RYR2: variants seen among roughly 807,000 people sequenced by gnomAD.
The protein encoded by RYR2 is cardiac muscle ryanodine receptor-calcium release channel.
In RYR2, 227 loss-of-function variants were observed where a neutral mutation model predicts 601.1. The observed-to-expected ratio is 0.38, with a 90% CI of 0.34 to 0.42. The LOEUF (loss-of-function observed/expected upper bound fraction) is 0.42, where lower values mean the gene tolerates loss of function less well. Ranked by LOEUF, RYR2 falls within the 10% of genes least tolerant of loss-of-function variation. The pLI, the probability that RYR2 is intolerant of heterozygous loss-of-function variation, is 1.00. For missense variants in RYR2, 4,646 were observed against 6,156.5 expected (o/e 0.75, Z 8.21); for synonymous variants, 2,223 against 2,175.1 (o/e 1.02, Z -0.61).
chr1:237,146,184 G>T (rs537679565), intron 1 of RYR2, among the ~76,000 whole-genome samples: 7 of 152,254 alleles, frequency 4.6e-5, no homozygotes, highest in African/African-American at 1.7e-4. Context: ...GGGGTGGGGA[G>T]GTTTTATCAG....
rs570251437 is a variant in RYR2, at chr1:237,132,151, C to T, written c.48+89582C>T. On this transcript the variant is annotated intron_variant, in intron 1 of 104. Transcript: ENST00000366574. The stretch of plus-strand genomic sequence containing the variant: ...ATTGTAAAATATATTGTGGCCTTTG[C>T]CTTGCTCTCTGTTTGGTGACACGTT... Among the ~76,000 whole-genome samples the T allele has an allele frequency of 5.3e-5, 8 of 152,266 alleles. 2 individuals carry two copies. In the South Asian group the frequency reaches 1.7e-3, roughly 32 times the overall value.
chr1:237,813,044 C>A (rs1180438166), intron 100 of RYR2, among the ~76,000 whole-genome samples: 1 of 152,084 alleles, frequency 6.6e-6, no homozygotes, highest in Non-Finnish European at 1.5e-5. Context: ...CATTCCAGGC[C>A]TAGGGCTGAA....
chr1:237,807,621 G>A (rs1429595677), intron 99 of RYR2, among the ~76,000 whole-genome samples: 1 of 152,164 alleles, frequency 6.6e-6, no homozygotes, highest in Non-Finnish European at 1.5e-5. Flanking sequence ...CAAAGTGCTA[G>A]GATTACAGGC....
intron 1 of RYR2, among the ~76,000 whole-genome samples, chr1:237,094,638 G>A (rs139273597): frequency 2.3e-4 from 35 of 152,180 alleles, no homozygotes; most frequent in African/African-American, 8.2e-4. Flanking sequence ...ACAGTGGTGC[G>A]ATCTCGGCCC....
chr1:237,407,768 C>G (rs980591010), intron 10 of RYR2, among the ~76,000 whole-genome samples: 3 of 151,954 alleles, frequency 2.0e-5, no homozygotes, highest in African/African-American at 7.3e-5. Flanking sequence ...AGGTGCCCAC[C>G]ACCATGCCCG....
Position 237,659,949 on chromosome 1 carries a change from G to A in RYR2, c.8209-36G>A, listed in dbSNP as rs572731414. ...TATCTACAATCTCTAAAATTAACAC[G>A]TGTAAAACAATTTTTAATGTTTGCC... On this transcript the variant is annotated intron_variant, in intron 54 of 104. Coordinates refer to ENST00000366574, the MANE Select transcript of RYR2 (RefSeq NM_001035.3). The A allele has an allele frequency of 4.7e-5, 66 of 1,396,608 alleles. No homozygotes were observed. In the African/African-American group the frequency reaches 6.6e-4, roughly 14 times the overall value. 86.5% of individuals were successfully genotyped at this position (1,396,608 alleles called of 1,614,324 possible). A position where few individuals can be genotyped will look rare whatever the true frequency, so the allele number is the denominator to read the frequency against.
chr1:237,562,064 T>G (rs1671514620), intron 27 of RYR2, among the ~76,000 whole-genome samples: 1 of 152,250 alleles, frequency 6.6e-6, no homozygotes, highest in Non-Finnish European at 1.5e-5. Context: ...TCAAGCCTTA[T>G]GTAATTAATC....
rs930749716 is a variant in RYR2 at position 237,296,031 on chromosome 1, T to C, written c.168+25415T>C. ...TCTGTTGGATTGGATTGGTTTATTG[T>C]AGAAGGCCTCTTTGCTGGATAGCCA... On this transcript the variant is annotated intron_variant, in intron 2 of 104. Transcript: ENST00000366574. Among the ~76,000 whole-genome samples the C allele has an allele frequency of 1.1e-4, 16 of 152,306 alleles. No individual in the cohort carries two copies. In the East Asian group the frequency reaches 1.5e-3, roughly 15 times the overall value.
In RYR2 at chr1:237,441,495, G is replaced by GA. The variant is rs1167148257; in HGVS notation, c.1170+19dup. The GA allele has an allele frequency of 8.3e-6, 12 of 1,446,492 alleles. No individual in the cohort carries two copies. Among genetic ancestry groups the GA allele is most frequent in the African/African-American group, 2.9e-5 (2 of 69,456 alleles). 89.6% of individuals were successfully genotyped at this position (1,446,492 alleles called of 1,614,324 possible). Reference sequence around the variant, plus strand: ...CTATACAACGTAAGGTAAGGTGATAGAAAAAAACATAATTTATAGAAGTAA... The same window carrying GA: ...CTATACAACGTAAGGTAAGGTGATAGAAAAAAAACATAATTTATAGAAGTAA... On this transcript the variant is annotated intron_variant, in intron 13 of 104. Coordinates refer to ENST00000366574, the MANE Select transcript of RYR2 (RefSeq NM_001035.3).
chr1:237,051,205 TTCCCTTTCTCTCCC>T (rs1661217168), intron 1 of RYR2, among the ~76,000 whole-genome samples: 1 of 98,054 alleles, frequency 1.0e-5, no homozygotes, highest in Admixed American at 1.1e-4. Context: ...TTCCCTCCCT[TTCCCTTTCTCTCCC>T]CCCCCTTCCT....
rs756141290 is a variant in RYR2, at chr1:237,124,778, TG to T, written c.48+82215del. ...TTATGATGTGGGCCCTTTTTTTTGG[TG>T]GGGGGCGCGGGGGGCATTGCTGTGC... On this transcript the variant is annotated intron_variant, in intron 1 of 104. Transcript: ENST00000366574. Among the ~76,000 whole-genome samples the T allele has an allele frequency of 2.0e-5, 3 of 151,740 alleles. No homozygotes were observed. In the South Asian group the frequency reaches 6.2e-4, roughly 32 times the overall value.
At chr1:237,444,276 C>T (rs547758655) in intron 13 of RYR2, among the ~76,000 whole-genome samples, 26 of 152,238 alleles carry the variant, frequency 1.7e-4, no homozygotes, top group Non-Finnish European at 2.9e-4. Flanking sequence ...CTTTTCAACT[C>T]TCTTTGCTGT....
intron 62 of RYR2, among the ~76,000 whole-genome samples, chr1:237,683,179 C>G (rs1038365574): frequency 1.3e-5 from 2 of 152,130 alleles, no homozygotes; most frequent in Non-Finnish European, 2.9e-5. Flanking sequence ...TGTCTTCATT[C>G]GCATGATAAA....
chr1:237,276,845 G>A (rs1458255078), intron 2 of RYR2, among the ~76,000 whole-genome samples: 1 of 152,086 alleles, frequency 6.6e-6, no homozygotes, highest in East Asian at 1.9e-4. Context: ...ACGCGCCAAG[G>A]TCGGATACTC....
chr1:237,364,499 A>G (rs1229936065), intron 5 of RYR2, 127 bp downstream of exon 5: 2 of 403,728 alleles, frequency 5.0e-6, no homozygotes, highest in Non-Finnish European at 8.8e-6. Context: ...ATATATTACT[A>G]TATATCAGCT....
At chr1:237,084,765 AAGG>A (rs1489289543) in intron 1 of RYR2, among the ~76,000 whole-genome samples, 2 of 152,208 alleles carry the variant, frequency 1.3e-5, no homozygotes, top group Non-Finnish European at 2.9e-5. Flanking sequence ...AATTCTCTAA[AAGG>A]AGAATTAAAT....
chr1:237,151,693 T>C (rs1389318594), intron 1 of RYR2, among the ~76,000 whole-genome samples: 1 of 152,210 alleles, frequency 6.6e-6, no homozygotes, highest in Non-Finnish European at 1.5e-5. Flanking sequence ...TGTGTAATGA[T>C]GCAGACGTCA....
chr1:237,223,621 A>G (rs992946358), intron 1 of RYR2, among the ~76,000 whole-genome samples: 24 of 152,086 alleles, frequency 1.6e-4, no homozygotes, highest in African/African-American at 5.8e-4. Flanking sequence ...TTTTAAGGTT[A>G]TGTAATAGAG....
intron 1 of RYR2, among the ~76,000 whole-genome samples, chr1:237,112,073 G>A (rs1292542657): frequency 2.6e-5 from 4 of 152,108 alleles, no homozygotes; most frequent in Admixed American, 6.6e-5. Context: ...GAGTAGGTAA[G>A]TTCCCCCTCC....
Sources: allele counts gnomAD v4.1 joint callset (sites outside exome capture counted in the v4.1 genomes callset), GRCh38; gene constraint gnomAD v4.1.1; transcripts MANE v1.5; gene names NCBI Gene and HGNC (gene_info 2026-07-23, HGNC 2026-07-21).